Variants in AGBL5 observed in about 807,000 individuals in gnomAD.
AGBL5 encodes cytosolic carboxypeptidase-like protein 5.
AGBL5 carries 51 observed loss-of-function variants against 88.0 expected under a neutral mutation model. The ratio of observed to expected loss-of-function variants is 0.58; its 90% CI spans 0.46 to 0.73. AGBL5 has a LOEUF of 0.73. Ranked by LOEUF, AGBL5 falls within the 30% of genes least tolerant of loss-of-function variation. AGBL5 has a pLI of 0.00. For synonymous variants in AGBL5, 446 were observed against 438.8 expected, an observed-to-expected ratio of 1.02 and a Z score of -0.21; for missense variants, 1,031 against 1,162.2, an observed-to-expected ratio of 0.89 and a Z score of 1.64.
chr2:27,060,473 A>G (rs929636371), intron 11 of AGBL5, among the ~76,000 whole-genome samples: 2 of 152,212 alleles, frequency 1.3e-5, no homozygotes, highest in Admixed American at 6.5e-5. Context: ...CCACAAATCA[A>G]TACTGTACTG....
At chr2:27,059,597 G>A in intron 11 of AGBL5, 193 bp downstream of exon 11, 1 of 1,343,042 alleles carries the variant, frequency 7.4e-7, no homozygotes, top group Non-Finnish European at 1.0e-6. Context: ...GGTATTGTGT[G>A]TGGCCAGAGG....
At chr2:27,062,642 C>T (rs954125460) in intron 11 of AGBL5, 2 of 152,144 alleles carry the variant, frequency 1.3e-5, no homozygotes, top group Non-Finnish European at 2.9e-5. Context: ...CATGAGAGCG[C>T]ACAAACACTG....
chr2:27,057,921 C>T (rs912125835), intron 9 of AGBL5, among the ~76,000 whole-genome samples: 1 of 152,100 alleles, frequency 6.6e-6, no homozygotes, highest in Non-Finnish European at 1.5e-5. Flanking sequence ...ACTAAAAATA[C>T]AAAAATTAAC....
chr2:27,059,389 C>A lies in AGBL5; in HGVS notation c.2074C>A (p.Leu692Met). ...SSTQKVTHRV[L>M]GPVREPRSQD... The stretch of plus-strand genomic sequence containing the variant: ...TACCCAAAAGGTCACCCACCGGGTG[C>A]TGGGCCCCGTCAGAGGTAAGCCAGT... The change falls in exon 11 of 15, where the codon CTG (leucine) becomes ATG (methionine). Residue 692 changes from leucine to methionine, a missense_variant. Around this residue, in one of 2 missense-constraint regions of AGBL5, gnomAD observed 491 missense variants for 484.0 expected, o/e 1.01. Coordinates refer to ENST00000360131, the MANE Select transcript of AGBL5 (RefSeq NM_021831.6). 6.2e-7 allele frequency: 1 copy of A among 1,614,240 alleles called. No homozygotes were observed. The highest frequency in any genetic ancestry group is 8.5e-7 in the Non-Finnish European group (1 of 1,180,052).
chr2:27,065,285 G>A lies in AGBL5; in HGVS notation c.2090-2209G>A, dbSNP rs1487591956. 2.0e-5 allele frequency among the ~76,000 whole-genome samples: 3 copies of A among 152,154 alleles called. No homozygotes were observed. In the East Asian group the frequency reaches 5.8e-4, roughly 29 times the overall value. Reference sequence around the variant, plus strand: ...GTTCCTCTGTGATGAGGAAGGACACGCCAAAGCTGCAAGCCTCCCTACCCC... The same window carrying A: ...GTTCCTCTGTGATGAGGAAGGACACACCAAAGCTGCAAGCCTCCCTACCCC... On this transcript the variant is annotated intron_variant, in intron 11 of 14. Transcript: ENST00000360131.
rs750275368 is a variant in AGBL5 at position 27,057,312 on chromosome 2, T to C, written c.1545T>C (p.Leu515=). Residue 515 remains leucine (L), a synonymous_variant, in exon 9 of 15, where the codon CTT becomes CTC. Transcript: ENST00000360131. ...GGTCTTTATGTCTTAGCTACACACT[T>C]GAATGCAACTACAACACTGGACGCT... ...KASGIIHSYT[L]ECNYNTGRSV... The C allele has an allele frequency of 2.5e-6, 4 of 1,613,232 alleles. No homozygotes were observed. The South Asian group carries it at 3.3e-5, about 13-fold the overall frequency.
At chr2:27,052,413 G>C (rs1668203791) in intron 1 of AGBL5, 1 of 152,372 alleles carries the variant, frequency 6.6e-6, no homozygotes, top group Non-Finnish European at 1.5e-5. Context: ...CTCAGTACTT[G>C]TGAGGACAGA....
chr2:27,067,829 G>C (rs1285776092), intron 12 of AGBL5, 183 bp downstream of exon 12: 1 of 720,364 alleles, frequency 1.4e-6, no homozygotes. Flanking sequence ...TAAAACAATA[G>C]TTAACATTTA....
At chr2:27,052,739 G>T (rs1668222005) in intron 1 of AGBL5, among the ~76,000 whole-genome samples, 174 bp from the exon 2 acceptor site, 1 of 152,196 alleles carries the variant, frequency 6.6e-6, no homozygotes, top group Non-Finnish European at 1.5e-5. Flanking sequence ...GGTACAGAAT[G>T]CTGCTTTCTC....
rs879253769 is a variant in AGBL5, at chr2:27,055,171, C to T, written c.826C>T (p.Arg276Trp). The change falls in exon 6 of 15, where the codon CGG becomes TGG. Residue 276 changes from arginine to tryptophan, a missense_variant. Physicochemically the swap from Arg to Trp is moderately radical, Grantham distance 101. Around this residue, in one of 2 missense-constraint regions of AGBL5, gnomAD observed 540 missense variants for 678.2 expected, o/e 0.80. Transcript: ENST00000360131. ...LDFILRPDDP[R>W]AQTLRRLFVF... ...CTTCATCCTCCGACCTGATGATCCC[C>T]GGGCCCAAACCCTCCGTCGCCTCTT... is the stretch of plus-strand genomic sequence containing the variant. 5.0e-6 allele frequency: 8 copies of T among 1,614,082 alleles called. No individual in the cohort carries two copies. Among genetic ancestry groups the T allele is most frequent in the Middle Eastern group, 1.6e-4 (1 of 6,084 alleles).
intron 11 of AGBL5, among the ~76,000 whole-genome samples, chr2:27,060,049 TGAGGCAGGAGAATCGCTTGAACCCAG>T: frequency 6.6e-6 from 1 of 152,192 alleles, no homozygotes; most frequent in Non-Finnish European, 1.5e-5. Flanking sequence ...TTCAGGTAAC[TGAGGCAGGAGAATCGCTTGAACCCAG>T]GAGGCAGAAG....
In AGBL5 at chr2:27,053,022, G is replaced by A. The variant is rs768906875; in HGVS notation, c.64G>A (p.Val22Met). ...CTTTGATTCAGGGAATCTAGCCCAC[G>A]TGGAGAAGGTGGAATCTTTGTCCAG... The part of the protein sequence containing the change: ...SRFDSGNLAH[V>M]EKVESLSSDG... The change falls in exon 2 of 15, where the codon GTG becomes ATG. Residue 22 changes from valine (V) to methionine (M), a missense_variant. This residue lies in a region of AGBL5 where 540 missense variants were observed against 678.2 expected (regional missense o/e 0.80). Coordinates refer to ENST00000360131, the MANE Select transcript of AGBL5 (RefSeq NM_021831.6). The surrounding 1 kb of genome is among the most constrained non-coding windows in gnomAD (Gnocchi z 4.9). The A allele has an allele frequency of 6.2e-7, 1 of 1,613,654 alleles. No homozygotes were observed. Among genetic ancestry groups the A allele is most frequent in the African/African-American group, 1.3e-5 (1 of 74,910 alleles).
At position 27,053,839 on chromosome 2, in the gene AGBL5, G is replaced by A; in HGVS notation, c.388-57G>A. On this transcript the variant is annotated intron_variant, in intron 3 of 14. Transcript: ENST00000360131. The surrounding 1 kb of genome is among the most constrained non-coding windows in gnomAD (Gnocchi z 4.9). ...AGGTCAGTTCCTGGTGGTCCCAGTA[G>A]GAGCTCAGTTCTGACAATGGCATGT... 2 of 1,559,676 alleles carry A rather than the reference G, an allele frequency of 1.3e-6. No homozygotes were observed. The highest frequency in any genetic ancestry group is 1.2e-5 in the South Asian group (1 of 82,590).
At chr2:27,065,358 G>C (rs1462531683) in intron 11 of AGBL5, among the ~76,000 whole-genome samples, 2 of 152,100 alleles carry the variant, frequency 1.3e-5, no homozygotes, top group African/African-American at 4.8e-5. Flanking sequence ...AGAACTTGTA[G>C]TAATAAGTCT....
intron 11 of AGBL5, 127 bp downstream of exon 11, chr2:27,059,531 C>A: frequency 2.0e-6 from 3 of 1,534,172 alleles, no homozygotes; most frequent in Non-Finnish European, 1.7e-6. Context: ...TAGTTTGTAG[C>A]AGAACCTGTG....
intron 12 of AGBL5, 47 bp downstream of exon 12, chr2:27,067,693 T>C: frequency 6.2e-6 from 10 of 1,611,334 alleles, no homozygotes; most frequent in African/African-American, 1.3e-5. Flanking sequence ...GCCTCCTCCA[T>C]GGCCAGGCCA....
intron 4 of AGBL5, 39 bp from the exon 5 acceptor site, chr2:27,054,591 T>C: frequency 1.3e-6 from 2 of 1,590,154 alleles, no homozygotes; most frequent in Non-Finnish European, 1.7e-6. Context: ...TACTAGGACT[T>C]TAGGGACTTC....
intron 4 of AGBL5, 114 bp downstream of exon 4, chr2:27,054,173 T>A: frequency 1.5e-6 from 2 of 1,294,450 alleles, no homozygotes; most frequent in Non-Finnish European, 2.1e-6. Context: ...CTTTTTTCTG[T>A]ACAGAATGTA....
At chr2:27,055,392 C>G (rs1668377408) in intron 6 of AGBL5, 139 bp downstream of exon 6, 3 of 1,210,024 alleles carry the variant, frequency 2.5e-6, no homozygotes, top group Non-Finnish European at 3.5e-6. Context: ...TCTCATCTTC[C>G]TGAGAAAGCA....
Sources: allele counts gnomAD v4.1 joint callset (sites outside exome capture counted in the v4.1 genomes callset), GRCh38; gene constraint gnomAD v4.1.1; regional missense constraint gnomAD v4.1.1; non-coding constraint Gnocchi (gnomAD v3.1); transcripts MANE v1.5; gene names NCBI Gene and HGNC (gene_info 2026-07-23, HGNC 2026-07-21).